CSTL1: variants seen among roughly 807,000 people sequenced by gnomAD.
CSTL1 encodes the protein cystatin-like 1.
A neutral mutation model predicts 14.4 loss-of-function variants in CSTL1; 14 were observed. The observed-to-expected ratio is 0.97, with a 90% confidence interval of 0.64 to 1.52. The LOEUF (loss-of-function observed/expected upper bound fraction) is 1.52, where lower values mean the gene tolerates loss of function less well. CSTL1 is among the 40% of genes most tolerant of loss of function. The pLI is 0.00. For synonymous variants in CSTL1, 72 were observed against 67.5 expected, an observed-to-expected ratio of 1.07 and a Z score of -0.33; for missense variants, 170 against 168.7, an observed-to-expected ratio of 1.01 and a Z score of -0.04.
chr20:23,440,903 C>T (rs1393915362), intron 2 of CSTL1: 5 of 300,258 alleles, frequency 1.7e-5, no homozygotes, highest in African/African-American at 9.0e-5. Context: ...ATTACAGGTA[C>T]GTACCACCAC....
chr20:23,439,872 C>T (rs1986783582), intron 1 of CSTL1, 66 bp downstream of exon 1: 1 of 240,426 alleles, frequency 4.2e-6, no homozygotes, highest in Admixed American at 5.0e-5. Context: ...CAGATATTAC[C>T]TTCTCCGTAA....
chr20:23,460,857 C>A, the CSTL1 span, among the ~76,000 whole-genome samples: 699 of 152,276 alleles, frequency 4.6e-3, 7 homozygotes, highest in African/African-American at 0.015. Context: ...GTCATGCAAA[C>A]CTGCCTCCAC....
the CSTL1 span, among the ~76,000 whole-genome samples, chr20:23,453,249 C>T: frequency 2.6e-5 from 4 of 151,890 alleles, no homozygotes; most frequent in South Asian, 6.2e-4. Flanking sequence ...CCGCCTGCAC[C>T]GGAAGCCACT....
At chr20:23,443,871 C>A in intron 2 of CSTL1, 63 bp from the exon 3 acceptor site, 1 of 1,244,746 alleles carries the variant, frequency 8.0e-7, no homozygotes, top group Non-Finnish European at 1.2e-6. Flanking sequence ...CTAGCTTCTC[C>A]AGGAGAGGGT....
downstream of CSTL1, among the ~76,000 whole-genome samples, chr20:23,449,855 G>C (rs1228127510): frequency 6.6e-6 from 1 of 152,176 alleles, no homozygotes; most frequent in Non-Finnish European, 1.5e-5. Context: ...TGCTCCTCTA[G>C]GAGAGGAATT....
At chr20:23,444,275 T>G (rs1038292434) in intron 3 of CSTL1, among the ~76,000 whole-genome samples, 3 of 152,244 alleles carry the variant, frequency 2.0e-5, no homozygotes, top group African/African-American at 7.2e-5. Flanking sequence ...CAACCTGGCC[T>G]GCTCCCCAGA....
the CSTL1 span, among the ~76,000 whole-genome samples, chr20:23,453,446 T>G: frequency 6.6e-6 from 1 of 152,174 alleles, no homozygotes; most frequent in African/African-American, 2.4e-5. Context: ...GAGGAGGCAG[T>G]GGCGAGGAAG....
chr20:23,454,580 C>G, the CSTL1 span, among the ~76,000 whole-genome samples: 1 of 152,168 alleles, frequency 6.6e-6, no homozygotes, highest in South Asian at 2.1e-4. Flanking sequence ...TTTGGCATCA[C>G]CACAGAGCGA....
At chr20:23,445,218 C>CCTTT (rs970268441), downstream of CSTL1, among the ~76,000 whole-genome samples, 9 of 150,732 alleles carry the variant, frequency 6.0e-5, no homozygotes, top group South Asian at 8.4e-4. Context: ...TCTTTCTTTT[C>CCTTT]CTTTCTTTCT....
rs564671302 is a variant in CSTL1, at chr20:23,440,419, C to A, written c.152C>A (p.Ser51Tyr). Residue 51 changes from serine (S) to tyrosine (Y), a missense_variant, in exon 2 of 4, where the codon TCC (serine) becomes TAC (tyrosine). Coordinates refer to ENST00000347397, the MANE Select transcript of CSTL1 (RefSeq NM_138283.1). The stretch of plus-strand genomic sequence containing the variant: ...TCAACACTCAACTTCTTCATTCAAT[C>A]CTACAACAATGCCAGCAACGACACC... ...MNSTLNFFIQ[S>Y]YNNASNDTYL... 60 of 1,614,148 alleles carry A rather than the reference C, an allele frequency of 3.7e-5. No individual in the cohort carries two copies. In the South Asian group the frequency reaches 5.2e-4, roughly 14 times the overall value.
chr20:23,451,890 CA>C, the CSTL1 span: 1 of 1,613,922 alleles, frequency 6.2e-7, no homozygotes, highest in Non-Finnish European at 8.5e-7. Flanking sequence ...TGCATTTCCA[CA>C]TTCAGGTGAT....
At chr20:23,452,866 C>A in the CSTL1 span, 2 of 1,392,796 alleles carry the variant, frequency 1.4e-6, no homozygotes, top group South Asian at 2.5e-5. Context: ...AGGGACAAGT[C>A]GAATCACACT....
downstream of CSTL1, among the ~76,000 whole-genome samples, chr20:23,445,299 A>G (rs1161149916): frequency 6.8e-6 from 1 of 146,578 alleles, no homozygotes; most frequent in Non-Finnish European, 1.5e-5. Flanking sequence ...TGGCGCAATC[A>G]CTGAAGCCTC....
chr20:23,440,756 CT>C (rs11346588), intron 2 of CSTL1: 48,692 of 350,000 alleles, frequency 0.14, 1,177 homozygotes, highest in African/African-American at 0.27. Context: ...GGATTAAACT[CT>C]TTTTTTTTTT....
chr20:23,444,023 G>T lies in CSTL1; in HGVS notation c.309G>T (p.Leu103=). ...RNDTSNSSCP[L]QSKKLRKSLI... ...ACACGAGCAATTCTTCCTGCCCCCT[G>T]CAAAGCAAGAAGCTGAGAAAGGTGT... The change falls in exon 3 of 4, where the codon CTG becomes CTT. Residue 103 remains leucine, a synonymous_variant. Transcript: ENST00000347397. The T allele has an allele frequency of 1.2e-6, 2 of 1,613,798 alleles. No individual in the cohort carries two copies. Among genetic ancestry groups the T allele is most frequent in the Non-Finnish European group, 1.7e-6 (2 of 1,179,750 alleles).
chr20:23,451,338 C>T, the CSTL1 span, among the ~76,000 whole-genome samples: 2 of 152,212 alleles, frequency 1.3e-5, no homozygotes, highest in African/African-American at 4.8e-5. Context: ...TTGTGCCCCT[C>T]ATCCACCCTC....
chr20:23,443,945 A>G lies in CSTL1; in HGVS notation c.231A>G (p.Gly77=). Residue 77 remains glycine, a synonymous_variant, in exon 3 of 4, where the codon GGA becomes GGG. Transcript: ENST00000347397. The stretch of plus-strand genomic sequence containing the variant: ...CTGATTCTCGGCAGCTGACGACGGG[A>G]GTGGAGTATATAGTCACTGTGAAGA... ...LIRSQMQLTT[G]VEYIVTVKIG... The G allele has an allele frequency of 3.1e-6, 5 of 1,613,646 alleles. No individual in the cohort carries two copies. Among genetic ancestry groups the G allele is most frequent in the Non-Finnish European group, 3.4e-6 (4 of 1,179,572 alleles).
At position 23,440,194 on chromosome 20, in the gene CSTL1, A is replaced by G. The variant is rs1986791886; in HGVS notation, c.-74A>G. The G allele has an allele frequency of 1.1e-5, 17 of 1,490,192 alleles. No individual in the cohort carries two copies. The highest frequency in any genetic ancestry group is 1.6e-5 in the Non-Finnish European group (17 of 1,073,316). 92.3% of individuals were successfully genotyped at this position (1,490,192 alleles called of 1,614,324 possible). ...TGTTGGTGAGGGTTATGATGGGAGA[A>G]TGAGTGAACTGCAGCCTGGCACCAC... On this transcript the variant is annotated 5_prime_UTR_variant, in exon 2 of 4. An upstream start codon of the reference 5' UTR is lost. Coordinates refer to ENST00000347397, the MANE Select transcript of CSTL1 (RefSeq NM_138283.1).
chr20:23,440,708 C>A, intron 2 of CSTL1: 1 of 646,906 alleles, frequency 1.5e-6, no homozygotes, highest in Non-Finnish European at 2.9e-6. Flanking sequence ...GGCATGAACT[C>A]TAACTCCAAT....
Sources: gnomAD v4.1 joint callset for allele counts (sites outside exome capture counted in the v4.1 genomes callset) on GRCh38, gnomAD v4.1.1 for gene constraint, MANE v1.5 for transcripts, NCBI Gene and HGNC (gene_info 2026-07-23, HGNC 2026-07-21) for gene names.